Variants in TMEM132D observed in about 807,000 individuals in gnomAD.
TMEM132D encodes mature OL transmembrane protein.
Under a neutral mutation model 62.3 loss-of-function variants are expected in TMEM132D, and 21 were observed. The ratio of observed to expected loss-of-function variants is 0.34; its 90% CI spans 0.24 to 0.49. The LOEUF (loss-of-function observed/expected upper bound fraction) is 0.49, where lower values mean the gene tolerates loss of function less well. Ranked by LOEUF, TMEM132D falls within the 20% of genes least tolerant of loss-of-function variation. The pLI, the probability that TMEM132D is intolerant of heterozygous loss-of-function variation, is 0.99. For missense variants in TMEM132D, 1,346 were observed against 1,402.8 expected (o/e 0.96, Z 0.65); for synonymous variants, 621 against 575.6 (o/e 1.08, Z -1.13).
chr12:129,482,688 TG>T lies in TMEM132D; in HGVS notation c.1115+48370del, dbSNP rs1355210516. On this transcript the variant is annotated intron_variant, in intron 3 of 8. Transcript: ENST00000422113. ...TTAAAAAGATCAGCATCTGAAAACT[TG>T]TCTATCAATTTCAAACAAATTCTGA... Among the ~76,000 whole-genome samples, 3 of 152,264 alleles carry T rather than the reference TG, an allele frequency of 2.0e-5. No homozygotes were observed. In the South Asian group the frequency reaches 6.2e-4, roughly 32 times the overall value.
intron 5 of TMEM132D, chr12:129,113,266 TCAC>T (rs1875782022): frequency 1.3e-5 from 2 of 152,238 alleles, no homozygotes; most frequent in Non-Finnish European, 1.5e-5. Flanking sequence ...TCAGGTGATG[TCAC>T]CAGCAATAAA....
rs188334452 is a variant in TMEM132D, at chr12:129,541,240, G to A, written c.969-10035C>T. Among the ~76,000 whole-genome samples, 325 of 152,260 alleles carry A rather than the reference G, an allele frequency of 2.1e-3. 2 individuals carry two copies. The highest frequency in any genetic ancestry group is 7.4e-3 in the African/African-American group (309 of 41,538). On this transcript the variant is annotated intron_variant, in intron 2 of 8. Coordinates refer to ENST00000422113, the MANE Select transcript of TMEM132D (RefSeq NM_133448.3). The stretch of plus-strand genomic sequence containing the variant: ...ACGCAGGCAGGCAGAAGGGAAATAC[G>A]TAGACATACACAGATGTCTTTTATG...
chr12:129,507,826 C>T (rs1811587), intron 3 of TMEM132D, among the ~76,000 whole-genome samples: 15,270 of 152,110 alleles, frequency 0.1, 989 homozygotes, highest in East Asian at 0.2. Context: ...CTCATGTAAC[C>T]AAACACCACC....
At chr12:129,419,155 C>T (rs1442193025) in intron 3 of TMEM132D, among the ~76,000 whole-genome samples, 2 of 151,288 alleles carry the variant, frequency 1.3e-5, no homozygotes, top group Non-Finnish European at 2.9e-5. Context: ...ACTAATACAC[C>T]CTATTTCTTC....
intron 4 of TMEM132D, among the ~76,000 whole-genome samples, chr12:129,295,754 T>C (rs915890861): frequency 2.6e-5 from 4 of 152,190 alleles, no homozygotes; most frequent in African/African-American, 7.2e-5. Flanking sequence ...AGTCTTAATA[T>C]TTGCATATAA....
chr12:129,127,603 G>A (rs139749403), intron 5 of TMEM132D, among the ~76,000 whole-genome samples: 12 of 152,160 alleles, frequency 7.9e-5, no homozygotes, highest in South Asian at 2.1e-4. Flanking sequence ...TAAAAAACAC[G>A]TCTCCATTTG....
intron 2 of TMEM132D, among the ~76,000 whole-genome samples, chr12:129,615,848 G>A (rs961002064): frequency 5.2e-5 from 7 of 135,714 alleles, no homozygotes; most frequent in Admixed American, 2.9e-4. Flanking sequence ...AATAAAATAA[G>A]ATAGCTGTGA....
chr12:129,628,377 T>C (rs1879274535), intron 2 of TMEM132D, among the ~76,000 whole-genome samples: 1 of 152,122 alleles, frequency 6.6e-6, no homozygotes, highest in African/African-American at 2.4e-5. Flanking sequence ...GCAGGAGGGA[T>C]GGGTGCATGA....
At position 129,376,972 on chromosome 12, in the gene TMEM132D, C is replaced by T. The variant is rs1188807982; in HGVS notation, c.1116-39155G>A. 7.9e-5 allele frequency among the ~76,000 whole-genome samples: 12 copies of T among 152,120 alleles called. 1 individual carries two copies. Among genetic ancestry groups the T allele is most frequent in the Admixed American group, 3.9e-4 (6 of 15,282 alleles). On this transcript the variant is annotated intron_variant, in intron 3 of 8. Transcript: ENST00000422113. ...CCTTTGCTTTACTTCCTTGTGTGTC[C>T]CATAAGTCTCCACCTTGCGTTTGCT...
rs200386036 is a variant in TMEM132D at position 129,282,280 on chromosome 12, GC to G, written c.1299+55353del. Among the ~76,000 whole-genome samples the G allele has an allele frequency of 6.6e-3, 999 of 152,318 alleles. 27 individuals carry two copies. The highest frequency in any genetic ancestry group is 0.053 in the Admixed American group (818 of 15,302). On this transcript the variant is annotated intron_variant, in intron 4 of 8. Coordinates refer to ENST00000422113, the MANE Select transcript of TMEM132D (RefSeq NM_133448.3). The stretch of plus-strand genomic sequence containing the variant: ...GATTGGGAATATGAGACCAGAGGGA[GC>G]TTATCCCTCCCCCTAGTTCCAACCC...
intron 2 of TMEM132D, among the ~76,000 whole-genome samples, chr12:129,643,639 G>T (rs898318004): frequency 1.3e-5 from 2 of 152,166 alleles, no homozygotes; most frequent in African/African-American, 4.8e-5. Flanking sequence ...GCACTGCTGA[G>T]GGGAAACCTG....
chr12:129,081,655 G>A (rs1874449464), intron 7 of TMEM132D, 104 bp downstream of exon 7: 2 of 1,451,558 alleles, frequency 1.4e-6, no homozygotes, highest in Admixed American at 4.9e-5. Flanking sequence ...CCTAAAAATA[G>A]ATACCATTCC....
chr12:129,329,592 G>GTCACC (rs1321946067), intron 4 of TMEM132D, among the ~76,000 whole-genome samples: 11 of 152,176 alleles, frequency 7.2e-5, no homozygotes, highest in African/African-American at 2.4e-4. Context: ...GTGGGTGACT[G>GTCACC]TCACCACACA....
At chr12:129,686,700 G>A (rs539143413) in intron 2 of TMEM132D, among the ~76,000 whole-genome samples, 1 of 152,280 alleles carries the variant, frequency 6.6e-6, no homozygotes, top group South Asian at 2.1e-4. Context: ...TCCCACACAA[G>A]CACTCCCTGG....
intron 1 of TMEM132D, among the ~76,000 whole-genome samples, chr12:129,751,222 C>T (rs1344539896): frequency 2.6e-5 from 4 of 152,096 alleles, no homozygotes; most frequent in African/African-American, 9.7e-5. Flanking sequence ...ACTGGGGGAG[C>T]CTCAGGAAAC....
chr12:129,502,376 T>C (rs940995075), intron 3 of TMEM132D, among the ~76,000 whole-genome samples: 3 of 152,204 alleles, frequency 2.0e-5, no homozygotes, highest in African/African-American at 7.2e-5. Context: ...CAATAGCTTC[T>C]CAATTAGGCA....
intron 3 of TMEM132D, among the ~76,000 whole-genome samples, chr12:129,423,416 C>T (rs73426665): frequency 0.038 from 5,754 of 152,210 alleles, 374 homozygotes; most frequent in African/African-American, 0.13. Flanking sequence ...CTGCAACATC[C>T]GGCAACACGC....
chr12:129,523,115 C>T (rs1875904117), intron 3 of TMEM132D, among the ~76,000 whole-genome samples: 1 of 29,208 alleles, frequency 3.4e-5, no homozygotes, highest in Admixed American at 2.6e-4. Context: ...CGCACGTGCA[C>T]ACACACACAC....
chr12:129,613,220 T>A (rs1163443114), intron 2 of TMEM132D, among the ~76,000 whole-genome samples: 1 of 151,894 alleles, frequency 6.6e-6, no homozygotes, highest in Non-Finnish European at 1.5e-5. Flanking sequence ...TGGTTTAGGT[T>A]TTTTTTTAGA....
Sources: allele counts gnomAD v4.1 joint callset (sites outside exome capture counted in the v4.1 genomes callset), GRCh38; gene constraint gnomAD v4.1.1; transcripts MANE v1.5; gene names NCBI Gene and HGNC (gene_info 2026-07-23, HGNC 2026-07-21).